Variants in C8A observed in about 807,000 individuals in gnomAD.
C8A encodes complement C8 alpha chain, also known as complement component C8 alpha chain.
In C8A, 67 loss-of-function variants were observed where a neutral mutation model predicts 65.3. The ratio of observed to expected loss-of-function variants is 1.03; its 90% CI spans 0.84 to 1.26. The LOEUF (loss-of-function observed/expected upper bound fraction) is 1.26. Ranked by LOEUF, C8A falls within the 50% of genes most tolerant of loss-of-function variation. C8A has a pLI of 0.00. For synonymous variants in C8A, 290 were observed against 259.4 expected (o/e 1.12, Z -1.13); for missense variants, 781 against 723.9 (o/e 1.08, Z -0.90).
At position 56,881,651 on chromosome 1, in the gene C8A, G is replaced by A. The variant is rs1644249491; in HGVS notation, c.654+17G>A. 1 of 1,610,192 alleles carries A rather than the reference G, an allele frequency of 6.2e-7. No homozygotes were observed. Among genetic ancestry groups the A allele is most frequent in the East Asian group, 2.2e-5 (1 of 44,836 alleles). ...CACTTTGAAGTAAGTCTGAACAGAG[G>A]GGCTCTGAGGCCACTGTGGTGTAGG... is the stretch of plus-strand genomic sequence containing the variant. On this transcript the variant is annotated intron_variant, in intron 5 of 10. Coordinates refer to ENST00000361249, the MANE Select transcript of C8A (RefSeq NM_000562.3).
Position 56,917,623 on chromosome 1 carries a change from C to A in C8A, c.1662C>A (p.Gly554=), listed in dbSNP as rs1202713766. 6.2e-7 allele frequency: 1 copy of A among 1,614,068 alleles called. No homozygotes were observed. The highest frequency in any genetic ancestry group is 8.5e-7 in the Non-Finnish European group (1 of 1,179,930). Residue 554 remains glycine (G), a synonymous_variant, in exon 11 of 11, where the codon GGC becomes GGA. Transcript: ENST00000361249. ...CWSSWSVCRA[G]IQERRRECDN... is the part of the protein sequence containing the mutation. The stretch of plus-strand genomic sequence containing the variant: ...GCTCCTGGTCTGTATGCAGAGCAGG[C>A]ATCCAGGAAAGGAGAAGAGAGTGTG...
chr1:56,867,530 G>T, intron 1 of C8A, 79 bp from the exon 2 acceptor site: 1 of 988,730 alleles, frequency 1.0e-6, no homozygotes, highest in Non-Finnish European at 1.6e-6. Flanking sequence ...TGTTTTACTG[G>T]AAGGAAAATG....
intron 10 of C8A, among the ~76,000 whole-genome samples, chr1:56,914,576 T>C (rs1265412644): frequency 1.3e-5 from 2 of 152,176 alleles, no homozygotes; most frequent in Non-Finnish European, 2.9e-5. Flanking sequence ...GATCAGATGA[T>C]GTTGAGTTAT....
intron 7 of C8A, among the ~76,000 whole-genome samples, chr1:56,896,539 C>G (rs947273467): frequency 6.6e-6 from 1 of 152,156 alleles, no homozygotes; most frequent in African/African-American, 2.4e-5. Flanking sequence ...TCTTTTTGTT[C>G]TAGTCAGTCC....
At chr1:56,873,637 G>A (rs548984772) in intron 2 of C8A, among the ~76,000 whole-genome samples, 31 of 152,252 alleles carry the variant, frequency 2.0e-4, no homozygotes, top group African/African-American at 7.5e-4. Flanking sequence ...ATTGATTGAG[G>A]TAGGAAACCC....
At chr1:56,867,755 G>A in intron 2 of C8A, 53 bp downstream of exon 2, 9 of 1,319,896 alleles carry the variant, frequency 6.8e-6, no homozygotes, top group Non-Finnish European at 9.9e-6. Flanking sequence ...ATGTGTATTA[G>A]GCATTCAAAT....
intron 7 of C8A, among the ~76,000 whole-genome samples, chr1:56,889,414 G>T (rs1177965759): frequency 6.6e-6 from 1 of 152,054 alleles, no homozygotes; most frequent in Non-Finnish European, 1.5e-5. Flanking sequence ...AAAAGTAATT[G>T]AAGTTTTTGC....
chr1:56,864,671 G>A (rs1644067229), intron 1 of C8A, among the ~76,000 whole-genome samples: 1 of 152,140 alleles, frequency 6.6e-6, no homozygotes, highest in Admixed American at 6.5e-5. Context: ...AGGATGATGA[G>A]TCTCCCAGCA....
chr1:56,868,458 C>A (rs1238204129), intron 2 of C8A, among the ~76,000 whole-genome samples: 2 of 151,626 alleles, frequency 1.3e-5, no homozygotes, highest in African/African-American at 4.8e-5. Context: ...AAAATACACA[C>A]ACACAGAAAA....
At chr1:56,868,611 C>G (rs916181313) in intron 2 of C8A, among the ~76,000 whole-genome samples, 1 of 152,078 alleles carries the variant, frequency 6.6e-6, no homozygotes, top group South Asian at 2.1e-4. Context: ...GAGCCAGACC[C>G]TGTCTCATAA....
In C8A at chr1:56,895,820, G is replaced by A. The variant is rs116363847; in HGVS notation, c.1096+9653G>A. Among the ~76,000 whole-genome samples, 670 of 152,128 alleles carry A rather than the reference G, an allele frequency of 4.4e-3. 8 individuals carry two copies. Among genetic ancestry groups the A allele is most frequent in the African/African-American group, 0.015 (638 of 41,516 alleles). ...AAAAAACTAGCCAGGCATGGTACAT[G>A]TGCCTGTAGTCCCGGCTACTTGGGA... On this transcript the variant is annotated intron_variant, in intron 7 of 10. Coordinates refer to ENST00000361249, the MANE Select transcript of C8A (RefSeq NM_000562.3).
chr1:56,892,645 C>T (rs1312174424), intron 7 of C8A, among the ~76,000 whole-genome samples: 1 of 152,010 alleles, frequency 6.6e-6, no homozygotes, highest in East Asian at 1.9e-4. Flanking sequence ...CAGGTTCCCT[C>T]CAGCCAAGCA....
At chr1:56,892,140 G>A (rs1644351331) in intron 7 of C8A, among the ~76,000 whole-genome samples, 1 of 151,980 alleles carries the variant, frequency 6.6e-6, no homozygotes, top group Non-Finnish European at 1.5e-5. Flanking sequence ...ATTTTCATAT[G>A]CCTGTGAACA....
intron 9 of C8A, 34 bp from the exon 10 acceptor site, chr1:56,912,369 A>G (rs1409344958): frequency 2.5e-6 from 4 of 1,603,332 alleles, no homozygotes; most frequent in East Asian, 2.2e-5. Flanking sequence ...GATAGAGCCC[A>G]GGGAGGGGCC....
chr1:56,906,878 C>G, intron 8 of C8A, 86 bp downstream of exon 8: 1 of 1,533,774 alleles, frequency 6.5e-7, no homozygotes, highest in Non-Finnish European at 9.0e-7. Context: ...ATTTTTTTTC[C>G]CAGTTGATTG....
intron 9 of C8A, among the ~76,000 whole-genome samples, chr1:56,910,091 C>G (rs535203220): frequency 5.3e-5 from 8 of 152,248 alleles, no homozygotes; most frequent in African/African-American, 1.9e-4. Flanking sequence ...AGATTACAGA[C>G]AAGGGGACCA....
chr1:56,892,128 A>G (rs142003442), intron 7 of C8A, among the ~76,000 whole-genome samples: 11 of 152,138 alleles, frequency 7.2e-5, no homozygotes, highest in African/African-American at 2.4e-4. Flanking sequence ...ATCCCTACCC[A>G]TATTTTCATA....
intron 2 of C8A, among the ~76,000 whole-genome samples, chr1:56,868,068 T>C (rs546803189): frequency 1.3e-5 from 2 of 152,000 alleles, no homozygotes; most frequent in African/African-American, 2.4e-5. Context: ...CATGAGGAGA[T>C]GAGATAATCC....
chr1:56,867,951 C>T (rs1436336908), intron 2 of C8A, among the ~76,000 whole-genome samples: 1 of 152,074 alleles, frequency 6.6e-6, no homozygotes, highest in Admixed American at 6.6e-5. Context: ...AAGTCACTAT[C>T]TGTACATGGG....
Sources: gnomAD v4.1 joint callset for allele counts (sites outside exome capture counted in the v4.1 genomes callset) on GRCh38, gnomAD v4.1.1 for gene constraint, MANE v1.5 for transcripts, NCBI Gene and HGNC (gene_info 2026-07-23, HGNC 2026-07-21) for gene names.